Variants in CASR observed in about 807,000 individuals in gnomAD.
The protein encoded by CASR is calcium sensing receptor, also known as extracellular calcium-sensing receptor.
A neutral mutation model predicts 69.1 loss-of-function variants in CASR; 23 were observed. The ratio of observed to expected loss-of-function variants is 0.33; its 90% CI spans 0.24 to 0.47. The LOEUF (loss-of-function observed/expected upper bound fraction) is 0.47, where lower values mean the gene tolerates loss of function less well. Among genes scored for constraint, CASR ranks in the 20% least tolerant of loss-of-function variants. CASR has a pLI of 1.00. For synonymous variants in CASR, 541 were observed against 544.7 expected (o/e 0.99, Z 0.10); for missense variants, 924 against 1,356.1 (o/e 0.68, Z 5.00).
intron 1 of CASR, among the ~76,000 whole-genome samples, chr3:122,193,721 G>A (rs1305675765): frequency 6.6e-6 from 1 of 152,156 alleles, no homozygotes; most frequent in Non-Finnish European, 1.5e-5. Flanking sequence ...GTGTAAGATT[G>A]TTATTAATTC....
At chr3:122,192,755 T>C (rs1217453386) in intron 1 of CASR, among the ~76,000 whole-genome samples, 2 of 152,060 alleles carry the variant, frequency 1.3e-5, no homozygotes, top group Non-Finnish European at 2.9e-5. Flanking sequence ...CCCTAGAAAA[T>C]CTGATTAAGC....
At chr3:122,191,340 C>T (rs555217106) in intron 1 of CASR, among the ~76,000 whole-genome samples, 2 of 152,210 alleles carry the variant, frequency 1.3e-5, no homozygotes, top group East Asian at 3.9e-4. Context: ...GAGATGGAGC[C>T]TCACTCTGCC....
At chr3:122,208,408 T>A (rs1039872566) in intron 1 of CASR, among the ~76,000 whole-genome samples, 1 of 152,160 alleles carries the variant, frequency 6.6e-6, no homozygotes, top group African/African-American at 2.4e-5. Context: ...TTAATGATCT[T>A]TTTTTTCTAA....
At chr3:122,198,054 G>A (rs1383097914) in intron 1 of CASR, among the ~76,000 whole-genome samples, 1 of 151,898 alleles carries the variant, frequency 6.6e-6, no homozygotes, top group Non-Finnish European at 1.5e-5. Context: ...TTTTCTTTAG[G>A]TCATAATTGA....
At chr3:122,206,150 T>C (rs9834088) in intron 1 of CASR, among the ~76,000 whole-genome samples, 3,023 of 152,118 alleles carry the variant, frequency 0.02, 101 homozygotes, top group African/African-American at 0.069. Flanking sequence ...TTTTCTTCCA[T>C]ATTGTAAAGG....
rs2075012205 is a variant in CASR, at chr3:122,291,569, A to G, written c.*6378A>G. 6.6e-6 allele frequency: 1 copy of G among 152,242 alleles called. No individual in the cohort carries two copies. Among genetic ancestry groups the G allele is most frequent in the South Asian group, 2.1e-4 (1 of 4,832 alleles). 9.4% of individuals were successfully genotyped at this position (152,242 alleles called of 1,614,324 possible). A position where few individuals can be genotyped will look rare whatever the true frequency, so the allele number is the denominator to read the frequency against. On this transcript the variant is annotated 3_prime_UTR_variant, in exon 7 of 7. Transcript: ENST00000639785. ...CTTTAGGATTTTCTAAATTTTTCCC[A>G]AGTTTTGTATATTAAGCACAAAATT...
intron 4 of CASR, among the ~76,000 whole-genome samples, chr3:122,271,578 C>A (rs566213263): frequency 6.6e-6 from 1 of 152,286 alleles, no homozygotes; most frequent in Admixed American, 6.5e-5. Flanking sequence ...CTTTTCCATG[C>A]CTTCTTTTTT....
At chr3:122,218,842 G>A (rs1405969046) in intron 1 of CASR, among the ~76,000 whole-genome samples, 3 of 152,174 alleles carry the variant, frequency 2.0e-5, no homozygotes, top group Admixed American at 2.0e-4. Flanking sequence ...TACAGTGTGG[G>A]TGATTACAGA....
intron 1 of CASR, among the ~76,000 whole-genome samples, chr3:122,199,240 C>A (rs1245754420): frequency 6.6e-6 from 1 of 152,232 alleles, no homozygotes; most frequent in East Asian, 1.9e-4. Flanking sequence ...CTGTGAATTT[C>A]TGTACATGGA....
At position 122,289,286 on chromosome 3, in the gene CASR, C is replaced by T. The variant is rs2074992329; in HGVS notation, c.*4095C>T. On this transcript the variant is annotated 3_prime_UTR_variant, in exon 7 of 7. Transcript: ENST00000639785. ...AGTCCACTGGAGACAAGAATACTCC[C>T]AAAGGTGGGTGGAATTAGGGTAGGT... 1 of 152,162 alleles carries T rather than the reference C, an allele frequency of 6.6e-6. No homozygotes were observed. The highest frequency in any genetic ancestry group is 1.5e-5 in the Non-Finnish European group (1 of 68,042). 9.4% of individuals were successfully genotyped at this position (152,162 alleles called of 1,614,324 possible). A position where few individuals can be genotyped will look rare whatever the true frequency, so the allele number is the denominator to read the frequency against.
chr3:122,274,292 C>T (rs916309710), intron 4 of CASR, among the ~76,000 whole-genome samples: 1 of 152,258 alleles, frequency 6.6e-6, no homozygotes, highest in Admixed American at 6.5e-5. Context: ...CATAGTCTGT[C>T]ATGGACTCTG....
Position 122,262,417 on chromosome 3 carries a change from G to A in CASR, c.1377+5G>A, listed in dbSNP as rs2074639584. 4 of 1,609,812 alleles carry A rather than the reference G, an allele frequency of 2.5e-6. No homozygotes were observed. The highest frequency in any genetic ancestry group is 1.7e-5 in the Admixed American group (1 of 60,020). The stretch of plus-strand genomic sequence containing the variant: ...AAGAAAGTTGAGGCGTGGCAGGTGC[G>A]TCCTTCACTTATATAGCAATTTGCT... On this transcript the variant is annotated splice_donor_5th_base_variant and intron_variant, in intron 4 of 6. Transcript: ENST00000639785.
intron 1 of CASR, among the ~76,000 whole-genome samples, chr3:122,209,763 C>G (rs759903203): frequency 6.6e-6 from 1 of 152,126 alleles, no homozygotes; most frequent in African/African-American, 2.4e-5. Flanking sequence ...ATCCTGATAC[C>G]AAAACCTGGC....
rs539925499 is a variant in CASR at position 122,290,237 on chromosome 3, T to A, written c.*5046T>A. ...AAATAAAAGCAGCAAACTCTGTGACTGAAGTTTCAGCACATGGATGGCAAA... is the reference window on the plus strand; with the variant it reads ...AAATAAAAGCAGCAAACTCTGTGACAGAAGTTTCAGCACATGGATGGCAAA... On this transcript the variant is annotated 3_prime_UTR_variant, in exon 7 of 7. Coordinates refer to ENST00000639785, the MANE Select transcript of CASR (RefSeq NM_000388.4). 1 of 152,276 alleles carries A rather than the reference T, an allele frequency of 6.6e-6. No individual in the cohort carries two copies. Among genetic ancestry groups the A allele is most frequent in the East Asian group, 1.9e-4 (1 of 5,184 alleles). 9.4% of individuals were successfully genotyped at this position (152,276 alleles called of 1,614,324 possible). A position where few individuals can be genotyped will look rare whatever the true frequency, so the allele number is the denominator to read the frequency against.
At chr3:122,218,541 C>A (rs1474802160) in intron 1 of CASR, among the ~76,000 whole-genome samples, 1,347 of 105,852 alleles carry the variant, frequency 0.013, no homozygotes, top group East Asian at 0.018. Context: ...GACTCTGTCT[C>A]AAAAAAAAAA....
At position 122,290,048 on chromosome 3, in the gene CASR, AC is replaced by A. The variant is rs1282612860; in HGVS notation, c.*4858del. Reference sequence around the variant, plus strand: ...CATTGAGCTGTGATTGCACCACTGCACTCCAGCCTGGGTGACAGAGCAAGAC... The same window carrying A: ...CATTGAGCTGTGATTGCACCACTGCATCCAGCCTGGGTGACAGAGCAAGAC... On this transcript the variant is annotated 3_prime_UTR_variant, in exon 7 of 7. Transcript: ENST00000639785. The A allele has an allele frequency of 6.7e-6, 1 of 149,302 alleles. No homozygotes were observed. The highest frequency in any genetic ancestry group is 6.8e-5 in the Admixed American group (1 of 14,664). 9.2% of individuals were successfully genotyped at this position (149,302 alleles called of 1,614,324 possible).
chr3:122,275,956 G>T lies in CASR; in HGVS notation c.1522G>T (p.Val508Phe). Residue 508 changes from valine (V) to phenylalanine (F), a missense_variant, in exon 5 of 7, where the codon GTC becomes TTC. Val to Phe is a conservative substitution (Grantham distance 50). Around this residue, in one of 8 missense-constraint regions of CASR, gnomAD observed 310 missense variants for 395.7 expected, o/e 0.78. Transcript: ENST00000639785. ...GGATGGCTCCATCGTGTTTAAGGAA[G>T]TCGGGTATTACAACGTCTATGCCAA... Reference protein sequence around the residue: ...PEDGSIVFKEVGYYNVYAKKG... With the variant: ...PEDGSIVFKEFGYYNVYAKKG... The T allele has an allele frequency of 1.2e-6, 2 of 1,614,124 alleles. No homozygotes were observed. The highest frequency in any genetic ancestry group is 1.7e-6 in the Non-Finnish European group (2 of 1,179,966).
At chr3:122,249,103 A>G (rs991266097) in intron 1 of CASR, among the ~76,000 whole-genome samples, 1 of 152,180 alleles carries the variant, frequency 6.6e-6, no homozygotes, top group Non-Finnish European at 1.5e-5. Flanking sequence ...TTTACTGTGT[A>G]CACTTCATAC....
chr3:122,208,830 A>G (rs988024756), intron 1 of CASR, among the ~76,000 whole-genome samples: 2 of 152,186 alleles, frequency 1.3e-5, no homozygotes, highest in African/African-American at 4.8e-5. Flanking sequence ...AGAAAGAGTG[A>G]ACCTGAAGTT....
Sources: allele counts gnomAD v4.1 joint callset (sites outside exome capture counted in the v4.1 genomes callset), GRCh38; gene constraint gnomAD v4.1.1; regional missense constraint gnomAD v4.1.1; transcripts MANE v1.5; gene names NCBI Gene and HGNC (gene_info 2026-07-23, HGNC 2026-07-21).